ST3GAL3: variants seen among roughly 807,000 people sequenced by gnomAD.
ST3GAL3 encodes the protein CMP-N-acetylneuraminate-beta-1,4-galactoside alpha-2,3-sialyltransferase.
In ST3GAL3, 21 loss-of-function variants were observed where a neutral mutation model predicts 50.1. The ratio of observed to expected loss-of-function variants is 0.42; its 90% CI spans 0.30 to 0.60. ST3GAL3 has a LOEUF of 0.60. ST3GAL3 is among the 20% of genes least tolerant of loss of function. The pLI is 0.19. For synonymous variants in ST3GAL3, 183 were observed against 190.0 expected, an observed-to-expected ratio of 0.96 and a Z score of 0.30; for missense variants, 353 against 489.4, an observed-to-expected ratio of 0.72 and a Z score of 2.63.
intron 2 of ST3GAL3, among the ~76,000 whole-genome samples, chr1:43,764,115 A>C (rs1307074830): frequency 1.3e-5 from 2 of 152,244 alleles, no homozygotes; most frequent in Non-Finnish European, 2.9e-5. Flanking sequence ...AGCACAGATG[A>C]ATAATATTAA....
At chr1:43,920,061 C>T in intron 9 of ST3GAL3, 1 of 374,012 alleles carries the variant, frequency 2.7e-6, no homozygotes, top group Non-Finnish European at 5.1e-6. Flanking sequence ...GGAGGCAGGG[C>T]AGCTGCACTG....
At chr1:43,738,493 T>G (rs1215552533) in intron 2 of ST3GAL3, 1 of 147,942 alleles carries the variant, frequency 6.8e-6, no homozygotes, top group Admixed American at 6.8e-5. Context: ...GTCCTCTTTG[T>G]TTTTTTTTTG....
intron 11 of ST3GAL3, chr1:43,921,304 C>T (rs2082995277): frequency 1.9e-6 from 1 of 516,546 alleles, no homozygotes; most frequent in East Asian, 2.9e-5. Context: ...AGGACTTCTC[C>T]ATATCTCTTC....
At chr1:43,878,736 T>C (rs1033342211) in intron 5 of ST3GAL3, among the ~76,000 whole-genome samples, 1 of 152,204 alleles carries the variant, frequency 6.6e-6, no homozygotes, top group African/African-American at 2.4e-5. Flanking sequence ...GTGGAAATAT[T>C]GATCTTTGAT....
chr1:43,891,873 G>A (rs2076725041), intron 5 of ST3GAL3, among the ~76,000 whole-genome samples: 1 of 152,220 alleles, frequency 6.6e-6, no homozygotes, highest in Non-Finnish European at 1.5e-5. Flanking sequence ...GTGATCCTCA[G>A]TGGCTGCTAC....
chr1:43,890,359 G>A (rs1407389671), intron 5 of ST3GAL3, among the ~76,000 whole-genome samples: 1 of 151,972 alleles, frequency 6.6e-6, no homozygotes, highest in Non-Finnish European at 1.5e-5. Flanking sequence ...TGGCATGGTT[G>A]ACAGTACTAT....
chr1:43,740,232 G>A lies in ST3GAL3; in HGVS notation c.118+3852G>A, dbSNP rs182985240. On this transcript the variant is annotated intron_variant, in intron 2 of 11. Coordinates refer to ENST00000347631, the MANE Select transcript of ST3GAL3 (RefSeq NM_006279.5). ...CAAAAAATTAGCCAGGTGTGGTGGC[G>A]CGCCCCTGTAGTCCCAGCTACTTGG... Among the ~76,000 whole-genome samples, 56 of 151,568 alleles carry A rather than the reference G, an allele frequency of 3.7e-4. No individual in the cohort carries two copies. The East Asian group carries it at 3.7e-3, about 10-fold the overall frequency.
chr1:43,894,210 G>A, intron 5 of ST3GAL3, 173 bp from the exon 6 acceptor site: 4 of 691,528 alleles, frequency 5.8e-6, no homozygotes, highest in Non-Finnish European at 1.1e-5. Context: ...CACTGAACAA[G>A]ATCTGTCAAA....
intron 5 of ST3GAL3, among the ~76,000 whole-genome samples, chr1:43,885,440 C>A (rs547091297): frequency 1.3e-5 from 2 of 151,978 alleles, no homozygotes; most frequent in Admixed American, 6.5e-5. Context: ...CCTCGCGTGC[C>A]GGGGTGCTGG....
intron 2 of ST3GAL3, among the ~76,000 whole-genome samples, chr1:43,773,877 G>C (rs1696232121): frequency 6.6e-6 from 1 of 152,198 alleles, no homozygotes; most frequent in Non-Finnish European, 1.5e-5. Context: ...GCCTTCTGAT[G>C]TGATGCAGTA....
At chr1:43,765,169 A>G (rs1244348077) in intron 2 of ST3GAL3, among the ~76,000 whole-genome samples, 1 of 152,146 alleles carries the variant, frequency 6.6e-6, no homozygotes, top group Non-Finnish European at 1.5e-5. Flanking sequence ...GTGGGGAGGA[A>G]TTCTGCTCTA....
chr1:43,840,305 G>A (rs571223509), intron 5 of ST3GAL3: 2 of 152,360 alleles, frequency 1.3e-5, no homozygotes, highest in East Asian at 3.9e-4. Context: ...GGGATTACAA[G>A]TTTGAGCCAC....
chr1:43,760,238 C>G (rs1253347214), intron 2 of ST3GAL3, among the ~76,000 whole-genome samples: 1 of 152,210 alleles, frequency 6.6e-6, no homozygotes, highest in Non-Finnish European at 1.5e-5. Flanking sequence ...AAAACTCTGG[C>G]TTTCAAGTGA....
chr1:43,905,533 C>G (rs572195325), intron 9 of ST3GAL3, among the ~76,000 whole-genome samples: 1 of 135,132 alleles, frequency 7.4e-6, no homozygotes, highest in African/African-American at 2.9e-5. Context: ...TGTCACTTTT[C>G]CTCCCCCTCC....
intron 5 of ST3GAL3, chr1:43,841,446 A>C (rs143545406): frequency 2.6e-5 from 4 of 152,174 alleles, no homozygotes; most frequent in Non-Finnish European, 2.9e-5. Flanking sequence ...CACTCTGTGC[A>C]CTCTTAATAC....
chr1:43,867,243 G>T (rs183497026), intron 5 of ST3GAL3, among the ~76,000 whole-genome samples: 14 of 152,306 alleles, frequency 9.2e-5, no homozygotes, highest in Non-Finnish European at 1.8e-4. Context: ...CCCACGACAC[G>T]TAGGAATTGT....
chr1:43,810,052 T>C (rs2060371966), intron 3 of ST3GAL3, among the ~76,000 whole-genome samples: 2 of 147,640 alleles, frequency 1.4e-5, no homozygotes, highest in South Asian at 2.2e-4. Flanking sequence ...GAAACATTAC[T>C]GGGGAAAAAA....
intron 11 of ST3GAL3, among the ~76,000 whole-genome samples, chr1:43,928,011 TGGGAATTTGGCTGATGACTGC>T (rs1426674366): frequency 6.6e-6 from 1 of 152,242 alleles, no homozygotes; most frequent in East Asian, 1.9e-4. Flanking sequence ...AGAGGAATAT[TGGGAATTTGGCTGATGACTGC>T]GGGAATTTGG....
At chr1:43,763,681 C>A (rs578080664) in intron 2 of ST3GAL3, among the ~76,000 whole-genome samples, 3 of 152,288 alleles carry the variant, frequency 2.0e-5, no homozygotes, top group African/African-American at 7.2e-5. Context: ...TGACTTCTGG[C>A]AAAATCCTGC....
Sources: allele counts gnomAD v4.1 joint callset (sites outside exome capture counted in the v4.1 genomes callset), GRCh38; gene constraint gnomAD v4.1.1; transcripts MANE v1.5; gene names NCBI Gene and HGNC (gene_info 2026-07-23, HGNC 2026-07-21).